Variants in PCDHGA6 observed in about 807,000 individuals in gnomAD.
PCDHGA6 encodes protocadherin gamma-A6.
In PCDHGA6, 41 loss-of-function variants were observed where a neutral mutation model predicts 60.6. The observed-to-expected ratio is 0.68, with a 90% CI of 0.53 to 0.88. PCDHGA6 has a LOEUF of 0.88. Among genes scored for constraint, PCDHGA6 ranks in the 40% least tolerant of loss-of-function variants. PCDHGA6 has a pLI of 0.00. For missense variants in PCDHGA6, 1,312 were observed against 1,203.0 expected (o/e 1.09, Z -1.34); for synonymous variants, 594 against 524.4 (o/e 1.13, Z -1.81).
chr5:141,392,942 C>T, intron 1 of PCDHGA6: 2 of 1,613,954 alleles, frequency 1.2e-6, no homozygotes, highest in Non-Finnish European at 1.7e-6. Context: ...ACAAAGGCTC[C>T]TTCGTGGGTA....
intron 1 of PCDHGA6, chr5:141,385,519 T>C (rs1781250310): frequency 2.9e-6 from 4 of 1,366,410 alleles, no homozygotes; most frequent in Admixed American, 3.4e-5. Flanking sequence ...TGAAAGCCTA[T>C]GGACAAGATT....
chr5:141,477,262 C>A lies in PCDHGA6; in HGVS notation c.2425-17545C>A, dbSNP rs60063068. 1.2e-5 allele frequency: 19 copies of A among 1,614,020 alleles called. No homozygotes were observed. The East Asian group carries it at 4.2e-4, about 36-fold the overall frequency. On this transcript the variant is annotated intron_variant, in intron 1 of 3. Transcript: ENST00000517434. This position sits in a 1 kb window ranked among gnomAD's most constrained non-coding sequence, Gnocchi z 4.9. ...TCAGTGTGACTGACCTGGATGCTGG[C>A]GAGAACGGGCTGGTGACCTGCGAAG...
In PCDHGA6 at chr5:141,491,867, T is replaced by A. The variant is rs1424221139; in HGVS notation, c.2425-2940T>A. On this transcript the variant is annotated intron_variant, in intron 1 of 3. Transcript: ENST00000517434. The surrounding 1 kb of genome is among the most constrained non-coding windows in gnomAD (Gnocchi z 6.9). ...TTGGACCGTTTGCGCGAAACCAGAG[T>A]GGCCGATTAAGGGATGGGGCTCCGA... 6.9e-7 allele frequency: 1 copy of A among 1,452,218 alleles called. No homozygotes were observed. The highest frequency in any genetic ancestry group is 9.1e-7 in the Non-Finnish European group (1 of 1,099,056). The allele number at this position is 1,452,218 out of a possible 1,614,324, so 90.0% of individuals were successfully genotyped here. A position where few individuals can be genotyped will look rare whatever the true frequency, so the allele number is the denominator to read the frequency against.
At chr5:141,464,923 A>G (rs544281066) in intron 1 of PCDHGA6, among the ~76,000 whole-genome samples, 3 of 151,406 alleles carry the variant, frequency 2.0e-5, no homozygotes, top group Non-Finnish European at 4.4e-5. Flanking sequence ...ATTTTTTTGT[A>G]GAGATGTGAG....
intron 1 of PCDHGA6, chr5:141,420,166 A>G: frequency 1.2e-6 from 2 of 1,614,036 alleles, no homozygotes; most frequent in Non-Finnish European, 1.7e-6. Flanking sequence ...ATTTTTTCAC[A>G]TCTGTTGATC....
chr5:141,408,769 C>A (rs754783489), intron 1 of PCDHGA6: 3 of 1,611,166 alleles, frequency 1.9e-6, no homozygotes, highest in South Asian at 1.1e-5. Flanking sequence ...CCGATGGTGG[C>A]AAATACCCAG....
At chr5:141,414,061 T>C in intron 1 of PCDHGA6, 1 of 1,609,248 alleles carries the variant, frequency 6.2e-7, no homozygotes, top group Non-Finnish European at 8.5e-7. Flanking sequence ...ATTGTTGAAG[T>C]TCCAACTAAA....
At position 141,393,513 on chromosome 5, in the gene PCDHGA6, G is replaced by A. The variant is rs376672994; in HGVS notation, c.2424+17006G>A. The A allele has an allele frequency of 6.6e-5, 107 of 1,614,000 alleles. 1 individual carries two copies. In the Middle Eastern group the frequency reaches 1.3e-3, roughly 20 times the overall value. ...AGTGCGCATCCACGTGACAGTGTTG[G>A]ATACAAATGACAATGCCCCGGTTTT... On this transcript the variant is annotated intron_variant, in intron 1 of 3. Transcript: ENST00000517434.
intron 3 of PCDHGA6, among the ~76,000 whole-genome samples, chr5:141,509,347 C>A (rs755234053): frequency 2.6e-5 from 4 of 152,142 alleles, no homozygotes; most frequent in Non-Finnish European, 5.9e-5. Context: ...CCTGGGCTGG[C>A]CTGGGCATCC....
chr5:141,409,927 C>T, intron 1 of PCDHGA6: 5 of 1,613,342 alleles, frequency 3.1e-6, no homozygotes, highest in Middle Eastern at 1.6e-4. Flanking sequence ...CCGCGTTCTT[C>T]GATATGGTAC....
Position 141,398,900 on chromosome 5 carries a change from G to A in PCDHGA6, c.2424+22393G>A, listed in dbSNP as rs765284630. Reference sequence around the variant, plus strand: ...AGCCTTCGGGAAAACGTGCCACCAGGCACCACTGTGTTGCAAGTGTCAGCC... The same window carrying A: ...AGCCTTCGGGAAAACGTGCCACCAGACACCACTGTGTTGCAAGTGTCAGCC... On this transcript the variant is annotated intron_variant, in intron 1 of 3. Coordinates refer to ENST00000517434, the MANE Select transcript of PCDHGA6 (RefSeq NM_018919.3). The A allele has an allele frequency of 3.1e-6, 5 of 1,613,846 alleles. No individual in the cohort carries two copies. In the East Asian group the frequency reaches 6.7e-5, roughly 22 times the overall value.
At chr5:141,417,740 C>A (rs2096156298) in intron 1 of PCDHGA6, 3 of 1,413,210 alleles carry the variant, frequency 2.1e-6, no homozygotes, top group East Asian at 2.5e-5. Flanking sequence ...CCCAGCACAC[C>A]AGATTGCCAG....
chr5:141,405,390 T>C (rs1561700240), intron 1 of PCDHGA6: 1 of 1,600,118 alleles, frequency 6.2e-7, no homozygotes, highest in South Asian at 1.1e-5. Context: ...AGTTCATTTT[T>C]TTTCTTTCTT....
rs775489120 is a variant in PCDHGA6 at position 141,418,594 on chromosome 5, C to T, written c.2424+42087C>T. ...ACAACCCCCCAGTGTTCAGCCAGGA[C>T]GTGTACAGGGTTAGCCTTCGGGAAG... On this transcript the variant is annotated intron_variant, in intron 1 of 3. Coordinates refer to ENST00000517434, the MANE Select transcript of PCDHGA6 (RefSeq NM_018919.3). The T allele has an allele frequency of 3.1e-6, 5 of 1,614,022 alleles. No individual in the cohort carries two copies. In the Admixed American group the frequency reaches 8.3e-5, roughly 27 times the overall value.
At chr5:141,407,453 C>T (rs914537742) in intron 1 of PCDHGA6, among the ~76,000 whole-genome samples, 4 of 148,722 alleles carry the variant, frequency 2.7e-5, no homozygotes, top group Non-Finnish European at 6.0e-5. Flanking sequence ...ACACGAGGCT[C>T]ACCAGACAGA....
intron 1 of PCDHGA6, among the ~76,000 whole-genome samples, chr5:141,451,062 T>C (rs1292296274): frequency 1.3e-5 from 2 of 151,500 alleles, no homozygotes; most frequent in Non-Finnish European, 2.9e-5. Flanking sequence ...ACTCCTGACC[T>C]TGTGATCCAC....
At chr5:141,388,658 G>T in intron 1 of PCDHGA6, 7 of 1,613,908 alleles carry the variant, frequency 4.3e-6, no homozygotes, top group Non-Finnish European at 5.9e-6. Context: ...TGTACCCGGG[G>T]ACCACGGTGC....
rs760676891 is a variant in PCDHGA6, at chr5:141,413,180, CCGCTCAAAGGAAT to C, written c.2424+36688_2424+36700del. The C allele has an allele frequency of 6.9e-5, 111 of 1,602,612 alleles. No individual in the cohort carries two copies. The East Asian group carries it at 9.6e-4, about 14-fold the overall frequency. ...GAATTCTGTAACCAGACTACAATGG[CCGCTCAAAGGAAT>C]CGCTCAAAGGAATCAAAGGATTGCA... On this transcript the variant is annotated intron_variant, in intron 1 of 3. Transcript: ENST00000517434.
rs1451403518 is a variant in PCDHGA6 at position 141,375,990 on chromosome 5, A to T, written c.1907A>T (p.Asp636Val). 6.2e-7 allele frequency: 1 copy of T among 1,613,398 alleles called. No homozygotes were observed. Among genetic ancestry groups the T allele is most frequent in the African/African-American group, 1.3e-5 (1 of 75,044 alleles). The change falls in exon 1 of 4, where the codon GAC becomes GTC. Residue 636 changes from aspartate to valine, a missense_variant. Asp to Val is a radical substitution (Grantham distance 152). Transcript: ENST00000517434. ...VRTARALLDR[D>V]ALKQSLVVAV... ...ACGGCGCGCGCCCTGCTGGACAGAG[A>T]CGCGCTCAAGCAGAGCCTAGTGGTG...
Sources: allele counts gnomAD v4.1 joint callset (sites outside exome capture counted in the v4.1 genomes callset), GRCh38; gene constraint gnomAD v4.1.1; non-coding constraint Gnocchi (gnomAD v3.1); transcripts MANE v1.5; gene names NCBI Gene and HGNC (gene_info 2026-07-23, HGNC 2026-07-21).